Variants in APOB observed in about 807,000 individuals in gnomAD.
APOB encodes apolipoprotein B, also known as apolipoprotein B-100.
A neutral mutation model predicts 314.1 loss-of-function variants in APOB; 153 were observed. That is an observed-to-expected ratio of 0.49 (90% CI 0.43 to 0.56). The LOEUF (loss-of-function observed/expected upper bound fraction) is 0.56. Among genes scored for constraint, APOB ranks in the 20% least tolerant of loss-of-function variants. The pLI, the probability that APOB is intolerant of heterozygous loss-of-function variation, is 0.00. For synonymous variants in APOB, 2,087 were observed against 2,036.4 expected, an observed-to-expected ratio of 1.02 and a Z score of -0.67; for missense variants, 5,430 against 5,350.7, an observed-to-expected ratio of 1.01 and a Z score of -0.46.
intron 20 of APOB, among the ~76,000 whole-genome samples, chr2:21,018,788 T>C (rs926914150): frequency 2.0e-5 from 3 of 152,230 alleles, no homozygotes; most frequent in African/African-American, 7.2e-5. Flanking sequence ...GAGACTCCAT[T>C]GTTCACTGTT....
intron 4 of APOB, among the ~76,000 whole-genome samples, chr2:21,038,727 G>A (rs1045438080): frequency 2.0e-5 from 3 of 152,174 alleles, no homozygotes; most frequent in Admixed American, 2.0e-4. Flanking sequence ...ACGGACACCC[G>A]AGTGGTTGTT....
intron 1 of APOB, 55 bp from the exon 2 acceptor site, chr2:21,043,606 T>C (rs1572806011): frequency 1.9e-6 from 3 of 1,567,784 alleles, no homozygotes; most frequent in Non-Finnish European, 1.7e-6. Context: ...CAGCGGGTGC[T>C]AGGGCCCGAC....
rs1572778990 is a variant in APOB, at chr2:21,006,739, G to T, written c.10129C>A (p.Leu3377Met). 3 of 1,614,032 alleles carry T rather than the reference G, an allele frequency of 1.9e-6. No homozygotes were observed. Among genetic ancestry groups the T allele is most frequent in the Non-Finnish European group, 1.7e-6 (2 of 1,179,958 alleles). Residue 3377 changes from leucine (L) to methionine (M), a missense_variant, in exon 26 of 29, where the codon CTG becomes ATG. Physicochemically the swap from Leu to Met is conservative, Grantham distance 15. Coordinates refer to ENST00000233242, the MANE Select transcript of APOB (RefSeq NM_000384.3). The part of the protein sequence containing the change: ...LSSSSSVIDA[L>M]QYKLEGTTRL... ...GTGGTGCCCTCTAATTTGTACTGCA[G>T]TGCATCAATGACAGATGAAGATGAA...
At chr2:21,013,105 T>G (rs1271911570) in intron 25 of APOB, 55 bp downstream of exon 25, 1 of 1,609,096 alleles carries the variant, frequency 6.2e-7, no homozygotes, top group African/African-American at 1.3e-5. Flanking sequence ...GAGGCTCTCC[T>G]CTTAGAGCCT....
At chr2:21,034,075 T>G (rs1219176744) in intron 8 of APOB, among the ~76,000 whole-genome samples, 1 of 152,192 alleles carries the variant, frequency 6.6e-6, no homozygotes, top group African/African-American at 2.4e-5. Context: ...ACCAGCAGCT[T>G]GTGGGGAGGG....
At chr2:21,017,264 C>T (rs1663503263) in intron 20 of APOB, among the ~76,000 whole-genome samples, 2 of 151,964 alleles carry the variant, frequency 1.3e-5, no homozygotes, top group Admixed American at 1.3e-4. Flanking sequence ...CTGGGCACTG[C>T]TCTTGGTACT....
At chr2:21,003,624 GA>G (rs1205520293) in intron 28 of APOB, among the ~76,000 whole-genome samples, 1 of 152,184 alleles carries the variant, frequency 6.6e-6, no homozygotes, top group Non-Finnish European at 1.5e-5. Context: ...CTGAAAACTG[GA>G]AGAGGAGTGG....
At position 21,009,288 on chromosome 2, in the gene APOB, T is replaced by C. The variant is rs1663240469; in HGVS notation, c.7580A>G (p.Asp2527Gly). 6.2e-7 allele frequency: 1 copy of C among 1,614,094 alleles called. No homozygotes were observed. The highest frequency in any genetic ancestry group is 1.3e-5 in the African/African-American group (1 of 75,042). Residue 2527 changes from aspartate to glycine, a missense_variant, in exon 26 of 29, where the codon GAC (aspartate) becomes GGC (glycine). Around this residue, in one of 3 missense-constraint regions of APOB, gnomAD observed 3,281 missense variants for 3,171.0 expected, o/e 1.03. Coordinates refer to ENST00000233242, the MANE Select transcript of APOB (RefSeq NM_000384.3). ...GTATCGTTGAAGTTCCTGCTGAATG[T>C]CCATTTGATACATTCGGTCTCGTGT... The part of the protein sequence containing the change: ...EDTRDRMYQM[D>G]IQQELQRYLS...
rs1241876329 is a variant in APOB, at chr2:21,040,948, C to G, written c.373G>C (p.Ala125Pro). Residue 125 changes from alanine (A) to proline (P), a missense_variant, in exon 4 of 29, where the codon GCC becomes CCC. By Grantham distance (27) the Ala-to-Pro change is conservative (BLOSUM62 -1). Coordinates refer to ENST00000233242, the MANE Select transcript of APOB (RefSeq NM_000384.3). The part of the protein sequence containing the change: ...KTKNSEEFAA[A>P]MSRYELKLAI... ...TACAACATGACTTACCTGGACATGGCTGCAGCAAACTCCTCAGAGTTCTTG... is the reference window on the plus strand; with the variant it reads ...TACAACATGACTTACCTGGACATGGGTGCAGCAAACTCCTCAGAGTTCTTG... 2 of 1,613,950 alleles carry G rather than the reference C, an allele frequency of 1.2e-6. No homozygotes were observed. The highest frequency in any genetic ancestry group is 2.7e-5 in the African/African-American group (2 of 74,928).
In APOB at chr2:21,005,214, G is replaced by A. The variant is rs1663093817; in HGVS notation, c.11654C>T (p.Ala3885Val). The change falls in exon 26 of 29, where the codon GCA (alanine) becomes GTA (valine). Residue 3885 changes from alanine to valine, a missense_variant. Physicochemically the swap from Ala to Val is moderately conservative, Grantham distance 64. Coordinates refer to ENST00000233242, the MANE Select transcript of APOB (RefSeq NM_000384.3). Reference protein sequence around the residue: ...IVIPSFQALTARFEVDSPVYN... With the variant: ...IVIPSFQALTVRFEVDSPVYN... ...CACGGGAGAGTCTACCTCAAAGCGT[G>A]CAGTCAGTGCTTGAAAGGAAGGAAT... 3 of 1,614,054 alleles carry A rather than the reference G, an allele frequency of 1.9e-6. No individual in the cohort carries two copies. Among genetic ancestry groups the A allele is most frequent in the Non-Finnish European group, 2.5e-6 (3 of 1,179,952 alleles).
chr2:21,021,088 A>G (rs1303802596), intron 18 of APOB, among the ~76,000 whole-genome samples: 1 of 152,204 alleles, frequency 6.6e-6, no homozygotes, highest in East Asian at 1.9e-4. Context: ...CCATAGGTCT[A>G]TTTGACAGCT....
intron 4 of APOB, 124 bp downstream of exon 4, chr2:21,040,814 C>A (rs1025225924): frequency 3.6e-6 from 4 of 1,121,456 alleles, no homozygotes; most frequent in Non-Finnish European, 5.2e-6. Context: ...CTCAGTAATT[C>A]CCTGATCCAC....
chr2:21,029,808 G>A, intron 11 of APOB, 23 bp from the exon 12 acceptor site: 1 of 1,613,848 alleles, frequency 6.2e-7, no homozygotes, highest in Non-Finnish European at 8.5e-7. Context: ...AAAGAAACAA[G>A]AACCCATCAG....
rs549628916 is a variant in APOB at position 21,034,820 on chromosome 2, A to G, written c.900T>C (p.Gly300=). The G allele has an allele frequency of 6.1e-5, 97 of 1,583,198 alleles. 1 individual carries two copies. The South Asian group carries it at 9.9e-4, about 16-fold the overall frequency. The change falls in exon 8 of 29, where the codon GGT becomes GGC. Residue 300 remains glycine, a synonymous_variant. Coordinates refer to ENST00000233242, the MANE Select transcript of APOB (RefSeq NM_000384.3). ...DTPKINSRFF[G]EGTKKMGLAF... is the part of the protein sequence containing the mutation. ...TATGTGGACAGAAACTCTTACCTTC[A>G]CCAAAGAAGCGGCTGTTGATCTTTG... is the stretch of plus-strand genomic sequence containing the variant.
At chr2:21,034,996 C>T (rs551610872) in intron 7 of APOB, 95 bp from the exon 8 acceptor site, 17 of 787,104 alleles carry the variant, frequency 2.2e-5, no homozygotes, top group South Asian at 2.0e-4. Context: ...CTACCCAAGT[C>T]CTGCCCATCT....
In APOB at chr2:21,005,118, C is replaced by A; in HGVS notation, c.11750G>T (p.Cys3917Phe). The A allele has an allele frequency of 6.2e-7, 1 of 1,614,000 alleles. No individual in the cohort carries two copies. Among genetic ancestry groups the A allele is most frequent in the East Asian group, 2.2e-5 (1 of 44,888 alleles). The change falls in exon 26 of 29, where the codon TGC (cysteine) becomes TTC (phenylalanine). Residue 3917 changes from cysteine (C) to phenylalanine (F), a missense_variant. Physicochemically the swap from Cys to Phe is radical, Grantham distance 205. Transcript: ENST00000233242. ...DYVETVLDST[C>F]SSTVQFLEYE... ...TTCTAGGAACTGTACGGTTGAGCTG[C>A]ATGTGGAATCCAGGACTGTTTCAAC... is the stretch of plus-strand genomic sequence containing the variant.
chr2:21,010,442 C>A lies in APOB; in HGVS notation c.6426G>T (p.Leu2142=). ...ERQVSHAKEK[L]TALTKKYRIT... Reference sequence around the variant, plus strand: ...TTCTATACTTTTTTGTGAGAGCAGTCAGTTTCTCCTTGGCATGTGAAACTT... The same window carrying A: ...TTCTATACTTTTTTGTGAGAGCAGTAAGTTTCTCCTTGGCATGTGAAACTT... The change falls in exon 26 of 29, where the codon CTG becomes CTT. Residue 2142 remains leucine, a synonymous_variant. Coordinates refer to ENST00000233242, the MANE Select transcript of APOB (RefSeq NM_000384.3). 1 of 1,607,492 alleles carries A rather than the reference C, an allele frequency of 6.2e-7. No homozygotes were observed. Among genetic ancestry groups the A allele is most frequent in the Non-Finnish European group, 8.5e-7 (1 of 1,175,376 alleles).
At position 21,037,250 on chromosome 2, in the gene APOB, G is replaced by A. The variant is rs778023021; in HGVS notation, c.543C>T (p.Thr181=). The part of the protein sequence containing the change: ...EEAKQVLFLD[T]VYGNCSTHFT... Reference sequence around the variant, plus strand: ...AGTGAGTGGAGCAGTTTCCATACACGGTATCCTATGGAGGAAGAAGATGCA... The same window carrying A: ...AGTGAGTGGAGCAGTTTCCATACACAGTATCCTATGGAGGAAGAAGATGCA... The change falls in exon 6 of 29, where the codon ACC becomes ACT. Residue 181 remains threonine (T), a synonymous_variant. Coordinates refer to ENST00000233242, the MANE Select transcript of APOB (RefSeq NM_000384.3). 25 of 1,614,006 alleles carry A rather than the reference G, an allele frequency of 1.5e-5. No homozygotes were observed. Among genetic ancestry groups the A allele is most frequent in the Middle Eastern group, 1.7e-4 (1 of 6,056 alleles).
intron 15 of APOB, among the ~76,000 whole-genome samples, chr2:21,026,351 A>C (rs1005831837): frequency 4.0e-5 from 6 of 151,772 alleles, no homozygotes; most frequent in Non-Finnish European, 8.8e-5. Flanking sequence ...GGGTTCAAGC[A>C]ATTCTCCTGT....
Sources: gnomAD v4.1 joint callset for allele counts (sites outside exome capture counted in the v4.1 genomes callset) on GRCh38, gnomAD v4.1.1 for gene constraint, gnomAD v4.1.1 regional missense constraint, MANE v1.5 for transcripts, NCBI Gene and HGNC (gene_info 2026-07-23, HGNC 2026-07-21) for gene names.